The following F10 variants were observed in gnomAD, a reference collection of about 807,000 sequenced individuals.
The protein encoded by F10 is Stuart-Prower factor.
In F10, 29 loss-of-function variants were observed where a neutral mutation model predicts 37.1. The observed-to-expected ratio is 0.78, with a 90% confidence interval of 0.58 to 1.07. The LOEUF (loss-of-function observed/expected upper bound fraction) is 1.07, where lower values mean the gene tolerates loss of function less well. F10 is among the 50% of genes least tolerant of loss of function. F10 has a pLI of 0.00. For missense variants in F10, 539 were observed against 667.9 expected, an observed-to-expected ratio of 0.81 and a Z score of 2.13; for synonymous variants, 262 against 268.6, an observed-to-expected ratio of 0.98 and a Z score of 0.24.
Position 113,139,530 on chromosome 13 carries a change from C to A in F10, c.370+60C>A. On this transcript the variant is annotated intron_variant, in intron 4 of 7. Transcript: ENST00000375559. This position sits in a 1 kb window ranked among gnomAD's most constrained non-coding sequence, Gnocchi z 5.2. Reference sequence around the variant, plus strand: ...ATGCCCCTGAAGAGTGGCAGGTGGGCGGGGGAAGAAGTGAAAACGCCTAAT... The same window carrying A: ...ATGCCCCTGAAGAGTGGCAGGTGGGAGGGGGAAGAAGTGAAAACGCCTAAT... 1 of 1,361,944 alleles carries A rather than the reference C, an allele frequency of 7.3e-7. No individual in the cohort carries two copies. The highest frequency in any genetic ancestry group is 1.0e-6 in the Non-Finnish European group (1 of 954,180). The allele number at this position is 1,361,944 out of a possible 1,614,324, so 84.4% of individuals were successfully genotyped here.
rs1248193291 is a variant in F10 at position 113,146,950 on chromosome 13, TG to T, written c.748-424del. On this transcript the variant is annotated intron_variant, in intron 6 of 7. Transcript: ENST00000375559. The surrounding 1 kb of genome is among the most constrained non-coding windows in gnomAD (Gnocchi z 4.5). ...CTGGGATGGAGGTGTCCGTGCACCA[TG>T]GGGGACAGGCTCACACTGCTGAACC... 6.6e-6 allele frequency among the ~76,000 whole-genome samples: 1 copy of T among 152,000 alleles called. No individual in the cohort carries two copies. Among genetic ancestry groups the T allele is most frequent in the African/African-American group, 2.4e-5 (1 of 41,374 alleles).
intron 2 of F10, among the ~76,000 whole-genome samples, chr13:113,133,714 T>A (rs1047573043): frequency 6.6e-6 from 1 of 152,128 alleles, no homozygotes; most frequent in Non-Finnish European, 1.5e-5. Context: ...AGACAAATAC[T>A]GAAAACAAAA....
rs2036581103 is a variant in F10 at position 113,146,189 on chromosome 13, G to A, written c.748-1190G>A. On this transcript the variant is annotated intron_variant, in intron 6 of 7. Transcript: ENST00000375559. The surrounding 1 kb of genome is among the most constrained non-coding windows in gnomAD (Gnocchi z 4.5). Reference sequence around the variant, plus strand: ...GGGCCTTCTGTGTGTCAGGCACTGAGCCGGGTGCTGTGTAGGTGGGATATG... The same window carrying A: ...GGGCCTTCTGTGTGTCAGGCACTGAACCGGGTGCTGTGTAGGTGGGATATG... Among the ~76,000 whole-genome samples the A allele has an allele frequency of 6.6e-6, 1 of 152,198 alleles. No homozygotes were observed. The highest frequency in any genetic ancestry group is 2.4e-5 in the African/African-American group (1 of 41,450).
intron 1 of F10, among the ~76,000 whole-genome samples, chr13:113,127,104 A>C (rs1458241656): frequency 1.3e-5 from 2 of 152,226 alleles, no homozygotes; most frequent in Admixed American, 6.5e-5. Flanking sequence ...TGAACCCAAG[A>C]TTTACTAAGC....
At position 113,141,549 on chromosome 13, in the gene F10, C is replaced by T. The variant is rs997408378; in HGVS notation, c.502+499C>T. ...TTTACCAGGACCAGTGTTCATTGAACGTAGTTTTTCTTTTCCTTGATGAAT... is the reference window on the plus strand; with the variant it reads ...TTTACCAGGACCAGTGTTCATTGAATGTAGTTTTTCTTTTCCTTGATGAAT... On this transcript the variant is annotated intron_variant, in intron 5 of 7. Coordinates refer to ENST00000375559, the MANE Select transcript of F10 (RefSeq NM_000504.4). This position sits in a 1 kb window ranked among gnomAD's most constrained non-coding sequence, Gnocchi z 5.4. Among the ~76,000 whole-genome samples the T allele has an allele frequency of 1.3e-5, 2 of 152,186 alleles. No individual in the cohort carries two copies. Among genetic ancestry groups the T allele is most frequent in the Non-Finnish European group, 2.9e-5 (2 of 68,022 alleles).
chr13:113,148,363 T>TAC (rs56165023), intron 7 of F10, among the ~76,000 whole-genome samples: 1,691 of 109,980 alleles, frequency 0.015, 30 homozygotes, highest in African/African-American at 0.049. Flanking sequence ...TATATATATA[T>TAC]GTATATATAT....
Position 113,144,872 on chromosome 13 carries a change from G to A in F10, c.747+777G>A, listed in dbSNP as rs1253882402. Among the ~76,000 whole-genome samples the A allele has an allele frequency of 2.1e-5, 3 of 145,688 alleles. No individual in the cohort carries two copies. Among genetic ancestry groups the A allele is most frequent in the Non-Finnish European group, 3.0e-5 (2 of 67,160 alleles). ...GGAATTACGGGCGCCCGCTACTTACGCCTGGCTAATTTTTTTTTTTTTTTG... is the reference window on the plus strand; with the variant it reads ...GGAATTACGGGCGCCCGCTACTTACACCTGGCTAATTTTTTTTTTTTTTTG... On this transcript the variant is annotated intron_variant, in intron 6 of 7. Transcript: ENST00000375559. This position sits in a 1 kb window ranked among gnomAD's most constrained non-coding sequence, Gnocchi z 6.4.
chr13:113,130,972 A>C (rs2036429026), intron 2 of F10: 1 of 152,262 alleles, frequency 6.6e-6, no homozygotes, highest in South Asian at 2.1e-4. Flanking sequence ...ATGTTGCCCC[A>C]TCCTTACTTT....
chr13:113,135,914 C>T (rs962491311), intron 2 of F10, among the ~76,000 whole-genome samples: 1 of 151,980 alleles, frequency 6.6e-6, no homozygotes, highest in South Asian at 2.1e-4. Flanking sequence ...AAATTAAAAC[C>T]TTTTGCACTT....
At chr13:113,148,763 C>T (rs1298055557) in intron 7 of F10, among the ~76,000 whole-genome samples, 153 bp from the exon 8 acceptor site, 1 of 152,224 alleles carries the variant, frequency 6.6e-6, no homozygotes, top group East Asian at 1.9e-4. Context: ...CTTTTATTTG[C>T]TGCTTTGCAC....
intron 1 of F10, among the ~76,000 whole-genome samples, chr13:113,125,169 C>T (rs557247753): frequency 2.1e-4 from 32 of 152,342 alleles, no homozygotes; most frequent in African/African-American, 7.0e-4. Flanking sequence ...TGTCCTGCCA[C>T]CTGTGAGTGT....
Position 113,149,164 on chromosome 13 carries a change from C to T in F10, c.1114C>T (p.Arg372Trp), listed in dbSNP as rs1034008840. 2.8e-5 allele frequency: 45 copies of T among 1,612,868 alleles called. No homozygotes were observed. The highest frequency in any genetic ancestry group is 1.6e-4 in the Middle Eastern group (1 of 6,084). ...SGFGRTHEKG[R>W]QSTRLKMLEV... is the part of the protein sequence containing the mutation. ...CTTCGGGCGCACCCACGAGAAGGGC[C>T]GGCAGTCCACCAGGCTCAAGATGCT... Residue 372 changes from arginine (R) to tryptophan (W), a missense_variant, in exon 8 of 8, where the codon CGG (arginine) becomes TGG (tryptophan). Around this residue, in one of 2 missense-constraint regions of F10, gnomAD observed 409 missense variants for 547.9 expected, o/e 0.75. Coordinates refer to ENST00000375559, the MANE Select transcript of F10 (RefSeq NM_000504.4). This position sits in a 1 kb window ranked among gnomAD's most constrained non-coding sequence, Gnocchi z 7.5.
rs759423566 is a variant in F10 at position 113,143,830 on chromosome 13, C to T, written c.503-21C>T. On this transcript the variant is annotated intron_variant, in intron 5 of 7. Coordinates refer to ENST00000375559, the MANE Select transcript of F10 (RefSeq NM_000504.4). The surrounding 1 kb of genome is among the most constrained non-coding windows in gnomAD (Gnocchi z 6.8). ...GAGCCTCTCTCTGTGCTGAAGGCCC[C>T]GGCCGTCCTCTTTCTTTCAGGGCCC... 7.6e-5 allele frequency: 123 copies of T among 1,609,956 alleles called. No individual in the cohort carries two copies. Among genetic ancestry groups the T allele is most frequent in the Non-Finnish European group, 9.1e-5 (107 of 1,180,000 alleles).
intron 7 of F10, 22 bp from the exon 8 acceptor site, chr13:113,148,894 C>T (rs1190757659): frequency 3.1e-6 from 5 of 1,610,608 alleles, no homozygotes. Flanking sequence ...GAGCTGAGCA[C>T]AGTCCCACTC....
At chr13:113,134,603 G>A (rs1210608466) in intron 2 of F10, among the ~76,000 whole-genome samples, 2 of 152,156 alleles carry the variant, frequency 1.3e-5, no homozygotes, top group Non-Finnish European at 2.9e-5. Context: ...TGGGGATTAT[G>A]GGAACTACAA....
chr13:113,124,014 G>A (rs2036346557), intron 1 of F10, among the ~76,000 whole-genome samples: 1 of 152,200 alleles, frequency 6.6e-6, no homozygotes, highest in South Asian at 2.1e-4. Context: ...GGTGGAACAA[G>A]GCCCTGGAAG....
chr13:113,148,706 G>A (rs979785963), intron 7 of F10, among the ~76,000 whole-genome samples: 1 of 152,172 alleles, frequency 6.6e-6, no homozygotes, highest in Non-Finnish European at 1.5e-5. Flanking sequence ...AGAACCAAAC[G>A]TGTGAGACAG....
At chr13:113,125,163 C>G (rs2036358794) in intron 1 of F10, among the ~76,000 whole-genome samples, 1 of 152,208 alleles carries the variant, frequency 6.6e-6, no homozygotes, top group Admixed American at 6.5e-5. Flanking sequence ...CAGCCCTGTC[C>G]TGCCACCTGT....
chr13:113,136,116 A>G (rs2036475946), intron 2 of F10, among the ~76,000 whole-genome samples: 1 of 152,190 alleles, frequency 6.6e-6, no homozygotes, highest in African/African-American at 2.4e-5. Flanking sequence ...ATATATGGAT[A>G]GAAAATAAAC....
Sources: gnomAD v4.1 joint callset for allele counts (sites outside exome capture counted in the v4.1 genomes callset) on GRCh38, gnomAD v4.1.1 for gene constraint, gnomAD v4.1.1 regional missense constraint, Gnocchi (gnomAD v3.1) non-coding constraint, MANE v1.5 for transcripts, NCBI Gene and HGNC (gene_info 2026-07-23, HGNC 2026-07-21) for gene names.